PDZD2: variants seen among roughly 807,000 people sequenced by gnomAD.
PDZD2 encodes PDZ domain containing 2.
A neutral mutation model predicts 220.7 loss-of-function variants in PDZD2; 90 were observed. The ratio of observed to expected loss-of-function variants is 0.41; its 90% CI spans 0.34 to 0.49. The LOEUF (loss-of-function observed/expected upper bound fraction) is 0.49. Among genes scored for constraint, PDZD2 ranks in the 20% least tolerant of loss-of-function variants. PDZD2 has a pLI of 0.28. For synonymous variants in PDZD2, 1,375 were observed against 1,450.5 expected (o/e 0.95, Z 1.18); for missense variants, 3,174 against 3,608.5 (o/e 0.88, Z 3.08).
At chr5:31,806,449 C>T (rs1754717939) in intron 2 of PDZD2, among the ~76,000 whole-genome samples, 1 of 152,208 alleles carries the variant, frequency 6.6e-6, no homozygotes, top group Admixed American at 6.5e-5. Context: ...CTGGCTGGCA[C>T]TCCTGATGCC....
chr5:31,919,111 G>A (rs1308843834), intron 2 of PDZD2, among the ~76,000 whole-genome samples: 2 of 152,218 alleles, frequency 1.3e-5, no homozygotes, highest in Non-Finnish European at 2.9e-5. Flanking sequence ...TGAAGAAACT[G>A]GTGGAGGAGT....
chr5:32,100,817 T>C, intron 23 of PDZD2: 1 of 1,281,864 alleles, frequency 7.8e-7, no homozygotes. Flanking sequence ...CTTTGCTTTC[T>C]GGGGATTTCT....
intron 2 of PDZD2, among the ~76,000 whole-genome samples, chr5:31,868,666 T>TTTG (rs1561525778): frequency 1.3e-5 from 2 of 152,146 alleles, no homozygotes; most frequent in Non-Finnish European, 2.9e-5. Context: ...TTGTTCTGGG[T>TTTG]TTGCTGCTGC....
chr5:31,647,146 C>T (rs1001646250), intron 1 of PDZD2, among the ~76,000 whole-genome samples: 3 of 152,146 alleles, frequency 2.0e-5, no homozygotes, highest in Admixed American at 1.3e-4. Context: ...TCCCAGGCTC[C>T]GTCTTTATCT....
Position 32,074,431 on chromosome 5 carries a change from C to T in PDZD2, c.3325C>T (p.Gln1109Ter). 1 of 1,614,212 alleles carries T rather than the reference C, an allele frequency of 6.2e-7. No individual in the cohort carries two copies. Among genetic ancestry groups the T allele is most frequent in the Non-Finnish European group, 8.5e-7 (1 of 1,180,044 alleles). Residue 1109 changes from glutamine (Q) to a stop codon, truncating the protein, a stop_gained, in exon 18 of 25, where the codon CAG becomes TAG. Transcript: ENST00000438447. LOFTEE classifies it high-confidence loss of function. ...TNTGSPSSPQQKSEGLGSRHR... is the reference protein window; with the variant it reads ...TNTGSPSSPQ ...CACTGGGAGCCCCAGTTCCCCCCAG[C>T]AGAAAAGTGAAGGCCTGGGCTCCAG...
intron 7 of PDZD2, among the ~76,000 whole-genome samples, chr5:32,039,093 TCTCTCCCC>T (rs138129161): frequency 0.5 from 74,695 of 150,592 alleles, 19,635 homozygotes; most frequent in Non-Finnish European, 0.59. Flanking sequence ...AAACATCCTC[TCTCTCCCC>T]CTCTCCCCCT....
intron 2 of PDZD2, among the ~76,000 whole-genome samples, chr5:31,818,451 T>C (rs561825567): frequency 3.5e-4 from 54 of 152,270 alleles, no homozygotes; most frequent in Non-Finnish European, 6.9e-4. Context: ...GAACTGGTTT[T>C]CTTTGGGATC....
At chr5:31,887,076 T>C (rs1740576257) in intron 2 of PDZD2, among the ~76,000 whole-genome samples, 1 of 152,200 alleles carries the variant, frequency 6.6e-6, no homozygotes, top group Non-Finnish European at 1.5e-5. Flanking sequence ...GACTGGGCTG[T>C]TCCTTCTGTG....
chr5:31,999,281 T>G (rs986604833), intron 4 of PDZD2, among the ~76,000 whole-genome samples: 3 of 17,678 alleles, frequency 1.7e-4, no homozygotes, highest in African/African-American at 4.4e-4. Context: ...GCGGGATTTG[T>G]TTTTTTTTTT....
chr5:31,934,217 A>G (rs1179007235), intron 2 of PDZD2, among the ~76,000 whole-genome samples: 1 of 152,106 alleles, frequency 6.6e-6, no homozygotes, highest in African/African-American at 2.4e-5. Context: ...TTAAAAGAAA[A>G]AAAAGCTAAA....
chr5:32,075,173 A>G (rs1478777680), intron 18 of PDZD2, among the ~76,000 whole-genome samples: 1 of 152,186 alleles, frequency 6.6e-6, no homozygotes, highest in East Asian at 1.9e-4. Context: ...AAGATACTAT[A>G]GAATCTCTGT....
chr5:32,082,707 CGTGTGTGTGTAT>C (rs1378277214), intron 19 of PDZD2, among the ~76,000 whole-genome samples: 2 of 152,062 alleles, frequency 1.3e-5, no homozygotes, highest in Non-Finnish European at 2.9e-5. Context: ...CAGTAAGATA[CGTGTGTGTGTAT>C]GTATGTGTGT....
At chr5:32,085,267 T>A (rs950802700) in intron 19 of PDZD2, among the ~76,000 whole-genome samples, 1 of 148,600 alleles carries the variant, frequency 6.7e-6, no homozygotes, top group Non-Finnish European at 1.5e-5. Context: ...TTTTTTTTTT[T>A]AATTGACACA....
intron 21 of PDZD2, among the ~76,000 whole-genome samples, chr5:32,094,178 T>C (rs1743435500): frequency 6.6e-6 from 1 of 151,788 alleles, no homozygotes; most frequent in Non-Finnish European, 1.5e-5. Flanking sequence ...GCCTGTGTTG[T>C]TCAAATGTCA....
Position 32,089,110 on chromosome 5 carries a change from C to T in PDZD2, c.5662C>T (p.Leu1888Phe). The T allele has an allele frequency of 6.2e-7, 1 of 1,614,104 alleles. No homozygotes were observed. Among genetic ancestry groups the T allele is most frequent in the Non-Finnish European group, 8.5e-7 (1 of 1,179,998 alleles). The stretch of plus-strand genomic sequence containing the variant: ...AAAGTGTGGTCCGAAGCTGAAGAGG[C>T]TCAGCCTCAAGGGCAAGGCCAAAGT... Reference protein sequence around the residue: ...KAKCGPKLKRLSLKGKAKVNS... With the variant: ...KAKCGPKLKRFSLKGKAKVNS... The change falls in exon 20 of 25, where the codon CTC (leucine) becomes TTC (phenylalanine). Residue 1888 changes from leucine to phenylalanine, a missense_variant. By Grantham distance (22) the Leu-to-Phe change is conservative (BLOSUM62 0). This residue lies in a region of PDZD2 where 1,861 missense variants were observed against 2,001.0 expected (regional missense o/e 0.93). Coordinates refer to ENST00000438447, the MANE Select transcript of PDZD2 (RefSeq NM_178140.4).
At chr5:31,845,825 A>G (rs1018429510) in intron 2 of PDZD2, among the ~76,000 whole-genome samples, 5 of 152,250 alleles carry the variant, frequency 3.3e-5, no homozygotes, top group Non-Finnish European at 7.3e-5. Context: ...TAAAAGGCTT[A>G]CAACAGGTCT....
At chr5:31,661,240 A>G (rs916981638) in intron 1 of PDZD2, 8 of 152,224 alleles carry the variant, frequency 5.3e-5, no homozygotes, top group African/African-American at 1.9e-4. Flanking sequence ...TGAGGAGGTC[A>G]GTCCTGGGTT....
At chr5:31,892,019 T>G (rs893165723) in intron 2 of PDZD2, among the ~76,000 whole-genome samples, 4 of 152,120 alleles carry the variant, frequency 2.6e-5, no homozygotes. Context: ...CTGACAATCC[T>G]TCTGCCTCAG....
chr5:31,780,309 GC>G (rs1372710156), intron 1 of PDZD2, among the ~76,000 whole-genome samples: 2 of 108,372 alleles, frequency 1.8e-5, no homozygotes, highest in South Asian at 5.4e-4. Context: ...CCTTAAGGAT[GC>G]CGGGGGGGCT....
Sources: gnomAD v4.1 joint callset for allele counts (sites outside exome capture counted in the v4.1 genomes callset) on GRCh38, gnomAD v4.1.1 for gene constraint, gnomAD v4.1.1 regional missense constraint, MANE v1.5 for transcripts, NCBI Gene and HGNC (gene_info 2026-07-23, HGNC 2026-07-21) for gene names.